Variants in ZDHHC11 observed in about 807,000 individuals in gnomAD.
ZDHHC11 encodes palmitoyltransferase ZDHHC11.
In ZDHHC11, 44 loss-of-function variants were observed where a neutral mutation model predicts 51.3. That is an observed-to-expected ratio of 0.86 (90% CI 0.67 to 1.10). The LOEUF (loss-of-function observed/expected upper bound fraction) is 1.10, where lower values mean the gene tolerates loss of function less well. Ranked by LOEUF, ZDHHC11 falls within the 50% of genes least tolerant of loss-of-function variation. The pLI is 0.00. For synonymous variants in ZDHHC11, 163 were observed against 222.0 expected (o/e 0.73, Z 2.36); for missense variants, 400 against 537.7 (o/e 0.74, Z 2.53).
At chr5:813,686 C>A (rs561466731) in intron 11 of ZDHHC11, among the ~76,000 whole-genome samples, 1 of 150,278 alleles carries the variant, frequency 6.7e-6, no homozygotes, top group South Asian at 2.1e-4. Context: ...TGGGCCAGGA[C>A]GGCTGCAGCT....
Position 840,472 on chromosome 5 carries a change from G to C in ZDHHC11, c.784+23C>G, listed in dbSNP as rs756730108. The C allele has an allele frequency of 3.1e-6, 5 of 1,613,084 alleles. No individual in the cohort carries two copies. In the African/African-American group the frequency reaches 5.3e-5, roughly 17 times the overall value. On this transcript the variant is annotated intron_variant, in intron 5 of 12. Coordinates refer to ENST00000283441, the MANE Select transcript of ZDHHC11 (RefSeq NM_024786.3). ...TGACCACCCAGCCTTGGGGGGATCGGGGGCTTAGGGTGGGGGACATACTCA... is the reference window on the plus strand; with the variant it reads ...TGACCACCCAGCCTTGGGGGGATCGCGGGCTTAGGGTGGGGGACATACTCA...
chr5:813,819 T>C (rs1023321525), intron 11 of ZDHHC11, among the ~76,000 whole-genome samples: 2 of 147,580 alleles, frequency 1.4e-5, no homozygotes, highest in Non-Finnish European at 3.0e-5. Flanking sequence ...GGGACTGAGA[T>C]GTGAGGTGAA....
chr5:848,967 C>T (rs549725119), intron 1 of ZDHHC11, among the ~76,000 whole-genome samples: 228 of 152,120 alleles, frequency 1.5e-3, no homozygotes, highest in Non-Finnish European at 2.7e-3. Context: ...TCACCCGAGC[C>T]CAGCTCACCC....
chr5:836,401 C>T (rs1293140138), intron 6 of ZDHHC11, among the ~76,000 whole-genome samples: 3 of 150,308 alleles, frequency 2.0e-5, no homozygotes, highest in East Asian at 3.8e-4. Context: ...CCGTGCTGCT[C>T]GATTTGGTTT....
chr5:855,103 CGG>C (rs1747981206), upstream of ZDHHC11, among the ~76,000 whole-genome samples: 1 of 139,740 alleles, frequency 7.2e-6, no homozygotes, highest in African/African-American at 2.7e-5. Context: ...ACAGACCCCA[CGG>C]AGGACAGCGA....
In ZDHHC11 at chr5:850,363, C is replaced by G. The variant is rs935959517; in HGVS notation, c.222+18G>C. Reference sequence around the variant, plus strand: ...AGGAACCCCTCCCGCTTAGACCATGCCACGATGAAAAGGATACCACGTAGG... The same window carrying G: ...AGGAACCCCTCCCGCTTAGACCATGGCACGATGAAAAGGATACCACGTAGG... On this transcript the variant is annotated intron_variant, in intron 1 of 12. Transcript: ENST00000283441. 6.2e-7 allele frequency: 1 copy of G among 1,612,150 alleles called. No homozygotes were observed. Among genetic ancestry groups the G allele is most frequent in the Admixed American group, 1.7e-5 (1 of 59,840 alleles).
At chr5:814,517 C>T (rs111777612) in intron 11 of ZDHHC11, among the ~76,000 whole-genome samples, 5,873 of 151,346 alleles carry the variant, frequency 0.039, 338 homozygotes, top group Non-Finnish European at 0.056. Flanking sequence ...AAAATAACTA[C>T]GCTTGGCCTT....
At chr5:804,091 G>A (rs187625894) in intron 11 of ZDHHC11, among the ~76,000 whole-genome samples, 6 of 151,274 alleles carry the variant, frequency 4.0e-5, no homozygotes, top group East Asian at 1.9e-4. Context: ...TACAGTGTTC[G>A]CCCATTATCA....
In ZDHHC11 at chr5:843,669, T is replaced by G. The variant is rs143340865; in HGVS notation, c.559A>C (p.Ile187Leu). The change falls in exon 4 of 13, where the codon ATC (isoleucine) becomes CTC (leucine). Residue 187 changes from isoleucine to leucine, a missense_variant. Physicochemically the swap from Ile to Leu is conservative, Grantham distance 5 (BLOSUM62 2). This residue lies in a region of ZDHHC11 where 2 missense variants were observed against 82.7 expected (regional missense o/e 0.02). Coordinates refer to ENST00000283441, the MANE Select transcript of ZDHHC11 (RefSeq NM_024786.3). The stretch of plus-strand genomic sequence containing the variant: ...TACTGGACGAGGACATACAGCAGGA[T>G]GGCGATCAGGCAGAGCATGCCAGCT... ...ATAGMLCLIA[I>L]LLYVLVQYLV... is the part of the protein sequence containing the mutation. 6.2e-7 allele frequency: 1 copy of G among 1,604,620 alleles called. No homozygotes were observed.
chr5:857,214 T>C (rs1432899291), intron 1 of ZDHHC11, among the ~76,000 whole-genome samples: 3 of 152,228 alleles, frequency 2.0e-5, no homozygotes, highest in East Asian at 1.9e-4. Context: ...ACCGGACCGA[T>C]GCCCGGGGAA....
At chr5:804,811 T>C (rs184280111) in intron 11 of ZDHHC11, among the ~76,000 whole-genome samples, 1 of 151,060 alleles carries the variant, frequency 6.6e-6, no homozygotes, top group East Asian at 1.9e-4. Context: ...TAGACAAAAA[T>C]TGAGGGAATT....
At chr5:846,585 T>G (rs1746207417) in intron 3 of ZDHHC11, among the ~76,000 whole-genome samples, 1 of 146,482 alleles carries the variant, frequency 6.8e-6, no homozygotes, top group Non-Finnish European at 1.5e-5. Context: ...GAAACACCTC[T>G]CGTTCTTGCA....
At chr5:834,138 C>T (rs1350572067) in intron 6 of ZDHHC11, among the ~76,000 whole-genome samples, 1 of 152,400 alleles carries the variant, frequency 6.6e-6, no homozygotes, top group African/African-American at 2.4e-5. Context: ...TCTACAACTT[C>T]ACCAACCCTC....
intron 11 of ZDHHC11, among the ~76,000 whole-genome samples, 156 bp downstream of exon 11, chr5:814,605 A>G: frequency 6.6e-6 from 1 of 151,618 alleles, no homozygotes; most frequent in East Asian, 1.9e-4. Flanking sequence ...AATAAGCCAC[A>G]TGAATGGCTA....
chr5:837,396 G>C lies in ZDHHC11; in HGVS notation c.869C>G (p.Pro290Arg), dbSNP rs752595732. ...AACTCCTTTGTCCATTTGCACGTAT[G>C]GATCTTTCCTCACTGCTTGATGTTT... The part of the protein sequence containing the change: ...SSKHQAVRKD[P>R]YVQMDKGVLQ... Residue 290 changes from proline (P) to arginine (R), a missense_variant, in exon 6 of 13, where the codon CCA (proline) becomes CGA (arginine). Physicochemically the swap from Pro to Arg is moderately radical, Grantham distance 103. Coordinates refer to ENST00000283441, the MANE Select transcript of ZDHHC11 (RefSeq NM_024786.3). 6.2e-7 allele frequency: 1 copy of C among 1,613,516 alleles called. No individual in the cohort carries two copies. Among genetic ancestry groups the C allele is most frequent in the Non-Finnish European group, 8.5e-7 (1 of 1,179,688 alleles).
At chr5:831,116 T>A (rs926776893) in intron 7 of ZDHHC11, among the ~76,000 whole-genome samples, 2 of 149,180 alleles carry the variant, frequency 1.3e-5, no homozygotes, top group Non-Finnish European at 3.0e-5. Flanking sequence ...GATAAATAGA[T>A]GCAATTTAGC....
At chr5:808,882 T>C (rs1739679255) in intron 11 of ZDHHC11, among the ~76,000 whole-genome samples, 1 of 147,248 alleles carries the variant, frequency 6.8e-6, no homozygotes, top group African/African-American at 2.5e-5. Context: ...GTATTTTTAG[T>C]AGAGACAGGG....
chr5:818,592 C>T (rs1281996878), intron 10 of ZDHHC11, among the ~76,000 whole-genome samples: 1 of 151,668 alleles, frequency 6.6e-6, no homozygotes, highest in Non-Finnish European at 1.5e-5. Context: ...AGTACAGTGG[C>T]TCATGCCTGT....
At chr5:804,752 T>A (rs1307934055) in intron 11 of ZDHHC11, among the ~76,000 whole-genome samples, 1 of 151,334 alleles carries the variant, frequency 6.6e-6, no homozygotes, top group South Asian at 2.1e-4. Flanking sequence ...ATTCTATATG[T>A]GACAAATCTA....
Sources: gnomAD v4.1 joint callset for allele counts (sites outside exome capture counted in the v4.1 genomes callset) on GRCh38, gnomAD v4.1.1 for gene constraint, gnomAD v4.1.1 regional missense constraint, MANE v1.5 for transcripts, NCBI Gene and HGNC (gene_info 2026-07-23, HGNC 2026-07-21) for gene names.